Variants in FBLN5 observed in about 807,000 individuals in gnomAD.
The protein encoded by FBLN5 is fibulin-5.
Under a neutral mutation model 61.6 loss-of-function variants are expected in FBLN5, and 24 were observed. The ratio of observed to expected loss-of-function variants is 0.39; its 90% CI spans 0.28 to 0.55. The LOEUF (loss-of-function observed/expected upper bound fraction) is 0.55, where lower values mean the gene tolerates loss of function less well. FBLN5 is among the 20% of genes least tolerant of loss of function. FBLN5 has a pLI of 0.65. For missense variants in FBLN5, 470 were observed against 594.1 expected, an observed-to-expected ratio of 0.79 and a Z score of 2.17; for synonymous variants, 213 against 219.8, an observed-to-expected ratio of 0.97 and a Z score of 0.27.
intron 6 of FBLN5, among the ~76,000 whole-genome samples, chr14:91,888,537 A>G (rs1889836921): frequency 6.6e-6 from 1 of 150,802 alleles, no homozygotes; most frequent in African/African-American, 2.4e-5. Flanking sequence ...TGAACCCCAG[A>G]GGCAGAGGTT....
chr14:91,898,590 G>A (rs1467407866), intron 4 of FBLN5, among the ~76,000 whole-genome samples: 1 of 152,024 alleles, frequency 6.6e-6, no homozygotes, highest in Admixed American at 6.6e-5. Flanking sequence ...ATCACTCCAA[G>A]GACATTCTTT....
Position 91,936,978 on chromosome 14 carries a change from T to G in FBLN5, c.348A>C (p.Gly116=). ...TISRPLICRF[G]YQMDESNQCV... Reference sequence around the variant, plus strand: ...ATTGGTTGCTTTCATCCATCTGGTATCCAAAGCGGCATATAAGAGGCCTGG... The same window carrying G: ...ATTGGTTGCTTTCATCCATCTGGTAGCCAAAGCGGCATATAAGAGGCCTGG... Residue 116 remains glycine (G), a synonymous_variant, in exon 4 of 11, where the codon GGA becomes GGC. Transcript: ENST00000342058. 1.2e-6 allele frequency: 2 copies of G among 1,614,024 alleles called. No individual in the cohort carries two copies. Among genetic ancestry groups the G allele is most frequent in the East Asian group, 2.2e-5 (1 of 44,890 alleles).
chr14:91,926,229 C>T (rs552781380), intron 4 of FBLN5, among the ~76,000 whole-genome samples: 71 of 152,222 alleles, frequency 4.7e-4, no homozygotes, highest in African/African-American at 1.7e-3. Flanking sequence ...TGCCTGCCCT[C>T]GGTGCCCACA....
At position 91,891,251 on chromosome 14, in the gene FBLN5, T is replaced by C. The variant is rs757388863; in HGVS notation, c.589A>G (p.Thr197Ala). 6.2e-6 allele frequency: 10 copies of C among 1,612,942 alleles called. No individual in the cohort carries two copies. Among genetic ancestry groups the C allele is most frequent in the Non-Finnish European group, 8.5e-6 (10 of 1,178,940 alleles). ...CAAGACCTTCCATCCTCATTGAGGG[T>C]AAAACCAGGGTTGCATGTACAAGAA... The part of the protein sequence containing the change: ...SYSCTCNPGF[T>A]LNEDGRSCQD... Residue 197 changes from threonine to alanine, a missense_variant, in exon 6 of 11, where the codon ACC becomes GCC. By Grantham distance (58) the Thr-to-Ala change is moderately conservative. Coordinates refer to ENST00000342058, the MANE Select transcript of FBLN5 (RefSeq NM_006329.4).
chr14:91,892,092 G>A (rs1890020500), intron 5 of FBLN5, among the ~76,000 whole-genome samples: 1 of 152,352 alleles, frequency 6.6e-6, no homozygotes, highest in South Asian at 2.1e-4. Context: ...CCTTTGAGCA[G>A]AGCTGGGCAA....
rs372650987 is a variant in FBLN5, at chr14:91,877,489, G to A, written c.1183C>T (p.Arg395Trp). 7 of 1,612,470 alleles carry A rather than the reference G, an allele frequency of 4.3e-6. No homozygotes were observed. Among genetic ancestry groups the A allele is most frequent in the Admixed American group, 1.7e-5 (1 of 60,020 alleles). ...SGNEGREFYM[R>W]QTGPISATLV... is the part of the protein sequence containing the mutation. ...CCCCACTCCCCACTCCCTCTTACCCGCATGTAAAATTCTCTGCCCTCATTC... is the reference window on the plus strand; with the variant it reads ...CCCCACTCCCCACTCCCTCTTACCCACATGTAAAATTCTCTGCCCTCATTC... Residue 395 changes from arginine to tryptophan, a missense_variant and splice_region_variant, in exon 10 of 11, where the codon CGG becomes TGG. Physicochemically the swap from Arg to Trp is moderately radical, Grantham distance 101. Transcript: ENST00000342058.
Position 91,870,464 on chromosome 14 carries a change from C to T in FBLN5, c.1186-79G>A, listed in dbSNP as rs1032629431. ...CAGCCCCACCTGGGCGCTCCCTTGC[C>T]TCCGTCAGTCAAACTGGCACCCCCT... On this transcript the variant is annotated intron_variant, in intron 10 of 10. Coordinates refer to ENST00000342058, the MANE Select transcript of FBLN5 (RefSeq NM_006329.4). The T allele has an allele frequency of 1.6e-5, 23 of 1,438,352 alleles. No individual in the cohort carries two copies. The African/African-American group carries it at 3.1e-4, about 19-fold the overall frequency. 89.1% of individuals were successfully genotyped at this position (1,438,352 alleles called of 1,614,324 possible).
chr14:91,927,606 T>C (rs1397722337), intron 4 of FBLN5, among the ~76,000 whole-genome samples: 1 of 152,250 alleles, frequency 6.6e-6, no homozygotes, highest in East Asian at 1.9e-4. Flanking sequence ...AGGAGTATCA[T>C]AGCATGCACC....
intron 6 of FBLN5, among the ~76,000 whole-genome samples, chr14:91,887,826 G>A (rs1480497128): frequency 2.0e-5 from 3 of 152,142 alleles, no homozygotes; most frequent in Admixed American, 1.3e-4. Flanking sequence ...AGGACCATTG[G>A]CCCACTTTAG....
chr14:91,913,319 A>G (rs1219304302), intron 4 of FBLN5, among the ~76,000 whole-genome samples: 3 of 152,246 alleles, frequency 2.0e-5, no homozygotes, highest in Non-Finnish European at 4.4e-5. Flanking sequence ...AGATTCCACT[A>G]GAGGAAATGC....
chr14:91,890,975 T>C (rs1889966540), intron 6 of FBLN5, among the ~76,000 whole-genome samples: 1 of 152,198 alleles, frequency 6.6e-6, no homozygotes, highest in Admixed American at 6.5e-5. Flanking sequence ...TCCATGAAAC[T>C]GTACACTCCC....
intron 4 of FBLN5, among the ~76,000 whole-genome samples, chr14:91,910,657 G>T (rs1318755122): frequency 6.6e-6 from 1 of 152,084 alleles, no homozygotes; most frequent in African/African-American, 2.4e-5. Flanking sequence ...ATAAAGAAAA[G>T]TCCAGCAGCC....
At chr14:91,888,814 G>A (rs1889852843) in intron 6 of FBLN5, among the ~76,000 whole-genome samples, 1 of 152,044 alleles carries the variant, frequency 6.6e-6, no homozygotes, top group Non-Finnish European at 1.5e-5. Context: ...GGGAGGGCAG[G>A]GAAGAGTCTC....
rs529399889 is a variant in FBLN5 at position 91,882,454 on chromosome 14, C to G, written c.862+500G>C. Among the ~76,000 whole-genome samples the G allele has an allele frequency of 1.3e-5, 2 of 152,334 alleles. No individual in the cohort carries two copies. Among genetic ancestry groups the G allele is most frequent in the East Asian group, 3.9e-4 (2 of 5,164 alleles). ...CAGGCAAACAGGAGAAGGCCCACCCCTTTTACAGTCTGGGGTCCCAGCCCT... is the reference window on the plus strand; with the variant it reads ...CAGGCAAACAGGAGAAGGCCCACCCGTTTTACAGTCTGGGGTCCCAGCCCT... On this transcript the variant is annotated intron_variant, in intron 8 of 10. Transcript: ENST00000342058. The surrounding 1 kb of genome is among the most constrained non-coding windows in gnomAD (Gnocchi z 4.9).
intron 4 of FBLN5, among the ~76,000 whole-genome samples, chr14:91,929,903 C>T (rs551816927): frequency 6.6e-6 from 1 of 152,284 alleles, no homozygotes; most frequent in East Asian, 1.9e-4. Context: ...ATGGGCACAG[C>T]TACTTTTGGG....
At chr14:91,910,219 G>A (rs778191811) in intron 4 of FBLN5, among the ~76,000 whole-genome samples, 10 of 152,182 alleles carry the variant, frequency 6.6e-5, no homozygotes, top group African/African-American at 9.7e-5. Context: ...TCTAGCACGT[G>A]CTACAACATG....
At chr14:91,909,826 C>T (rs72705353) in intron 4 of FBLN5, among the ~76,000 whole-genome samples, 32,006 of 152,070 alleles carry the variant, frequency 0.21, 3,644 homozygotes, top group Middle Eastern at 0.34. Flanking sequence ...GGGACTAAGA[C>T]AGCTGATATG....
At chr14:91,898,218 G>GGA (rs1555376160) in intron 4 of FBLN5, among the ~76,000 whole-genome samples, 1 of 151,902 alleles carries the variant, frequency 6.6e-6, no homozygotes, top group African/African-American at 2.4e-5. Flanking sequence ...TGGCGGGGGG[G>GGA]GCGGAATCTC....
At chr14:91,897,838 C>G (rs1890288306) in intron 4 of FBLN5, among the ~76,000 whole-genome samples, 1 of 152,136 alleles carries the variant, frequency 6.6e-6, no homozygotes, top group Non-Finnish European at 1.5e-5. Context: ...TGCTTGAGTC[C>G]AGGAGTTTGA....
Sources: gnomAD v4.1 joint callset for allele counts (sites outside exome capture counted in the v4.1 genomes callset) on GRCh38, gnomAD v4.1.1 for gene constraint, Gnocchi (gnomAD v3.1) non-coding constraint, MANE v1.5 for transcripts, NCBI Gene and HGNC (gene_info 2026-07-23, HGNC 2026-07-21) for gene names.